The following RAD23B variants were observed in gnomAD, a reference collection of about 807,000 sequenced individuals.
RAD23B encodes RAD23 nucleotide excision repair protein B, also known as lysine-specific demethylase RAD23B.
RAD23B carries 5 observed loss-of-function variants against 49.1 expected under a neutral mutation model. That is an observed-to-expected ratio of 0.10 (90% confidence interval 0.05 to 0.21). The LOEUF (loss-of-function observed/expected upper bound fraction) is 0.21. RAD23B is among the 10% of genes least tolerant of loss of function. RAD23B has a pLI of 1.00. For missense variants in RAD23B, 356 were observed against 486.7 expected, an observed-to-expected ratio of 0.73 and a Z score of 2.53; for synonymous variants, 184 against 165.4, an observed-to-expected ratio of 1.11 and a Z score of -0.86.
chr9:107,301,749 C>T (rs1257881502), intron 2 of RAD23B, among the ~76,000 whole-genome samples: 1 of 152,006 alleles, frequency 6.6e-6, no homozygotes, highest in African/African-American at 2.4e-5. Flanking sequence ...CTATGTTGGC[C>T]ATGCTGGTTT....
At chr9:107,288,440 T>C (rs1833318974) in intron 1 of RAD23B, among the ~76,000 whole-genome samples, 1 of 151,748 alleles carries the variant, frequency 6.6e-6, no homozygotes, top group Admixed American at 6.6e-5. Context: ...GGCTACATTT[T>C]TGTTGTTGTT....
chr9:107,319,073 G>T (rs1827055269), intron 6 of RAD23B, among the ~76,000 whole-genome samples, 194 bp downstream of exon 6: 1 of 148,492 alleles, frequency 6.7e-6, no homozygotes, highest in Admixed American at 6.7e-5. Flanking sequence ...CAACATTGTA[G>T]TAGCTTTTTA....
At chr9:107,299,971 T>G (rs1047942910) in intron 1 of RAD23B, among the ~76,000 whole-genome samples, 170 bp from the exon 2 acceptor site, 3 of 152,168 alleles carry the variant, frequency 2.0e-5, no homozygotes. Flanking sequence ...ACTAGTAATA[T>G]GAGTTAATGT....
In RAD23B at chr9:107,283,315, C is replaced by G. The variant is rs1833193930; in HGVS notation, c.-315C>G. Reference sequence around the variant, plus strand: ...ATGGCGGCCACCATCCTGTGGTGAGCTAGCGGATTCCCTGCTTGTCTCGCC... The same window carrying G: ...ATGGCGGCCACCATCCTGTGGTGAGGTAGCGGATTCCCTGCTTGTCTCGCC... On this transcript the variant is annotated 5_prime_UTR_variant, in exon 1 of 10. Transcript: ENST00000358015. 7.2e-6 allele frequency: 3 copies of G among 415,640 alleles called. No homozygotes were observed. The highest frequency in any genetic ancestry group is 1.3e-5 in the Non-Finnish European group (3 of 238,096). 25.7% of individuals were successfully genotyped at this position (415,640 alleles called of 1,614,324 possible).
At chr9:107,312,833 CTGATGGTGT>C (rs146578909) in intron 5 of RAD23B, among the ~76,000 whole-genome samples, 1,742 of 152,088 alleles carry the variant, frequency 0.011, 26 homozygotes, top group African/African-American at 0.039. Context: ...GCACTTGCCC[CTGATGGTGT>C]TGAAGGCTCT....
chr9:107,328,711 C>T (rs1333635298), intron 9 of RAD23B, among the ~76,000 whole-genome samples: 2 of 152,204 alleles, frequency 1.3e-5, no homozygotes, highest in Admixed American at 6.5e-5. Context: ...TCCTGGGCAG[C>T]CCAGTTCCTA....
At chr9:107,313,039 C>G (rs549006402) in intron 5 of RAD23B, among the ~76,000 whole-genome samples, 2 of 152,196 alleles carry the variant, frequency 1.3e-5, no homozygotes, top group East Asian at 3.9e-4. Context: ...TGTTGATTCC[C>G]TGCTTTTTTA....
At chr9:107,308,137 A>G (rs2133081652) in intron 4 of RAD23B, among the ~76,000 whole-genome samples, 1 of 151,950 alleles carries the variant, frequency 6.6e-6, no homozygotes, top group South Asian at 2.1e-4. Context: ...AAAAAAGCTT[A>G]CAGTGTGAGA....
chr9:107,323,115 T>C (rs962171591), intron 7 of RAD23B, among the ~76,000 whole-genome samples: 2 of 152,250 alleles, frequency 1.3e-5, no homozygotes, highest in Admixed American at 6.5e-5. Flanking sequence ...TTCCTGTATG[T>C]ACGATTTTTG....
chr9:107,304,553 T>C (rs147975000), intron 3 of RAD23B, among the ~76,000 whole-genome samples: 28 of 152,366 alleles, frequency 1.8e-4, no homozygotes, highest in African/African-American at 6.7e-4. Flanking sequence ...ACCTATCACC[T>C]TTCACTAACC....
intron 9 of RAD23B, among the ~76,000 whole-genome samples, chr9:107,327,352 G>A (rs1173972366): frequency 6.6e-6 from 1 of 151,946 alleles, no homozygotes; most frequent in African/African-American, 2.4e-5. Flanking sequence ...TCTTTGTTTA[G>A]TTTTAGTTTA....
chr9:107,331,463 A>G lies in RAD23B; in HGVS notation c.*1807A>G, dbSNP rs971614265. The G allele has an allele frequency of 6.8e-5, 34 of 501,836 alleles. No individual in the cohort carries two copies. The East Asian group carries it at 1.0e-3, about 15-fold the overall frequency. The allele number at this position is 501,836 out of a possible 1,614,324, so 31.1% of individuals were successfully genotyped here. A position where few individuals can be genotyped will look rare whatever the true frequency, so the allele number is the denominator to read the frequency against. On this transcript the variant is annotated 3_prime_UTR_variant, in exon 10 of 10. Transcript: ENST00000358015. ...GGTTGCCGTGAGCTGAGATCACACCACTGCCATAAACATGACAGGCTTTTG... is the reference window on the plus strand; with the variant it reads ...GGTTGCCGTGAGCTGAGATCACACCGCTGCCATAAACATGACAGGCTTTTG...
In RAD23B at chr9:107,283,678, A is replaced by G. The variant is rs748424653; in HGVS notation, c.49A>G (p.Ile17Val). 1 of 1,477,850 alleles carries G rather than the reference A, an allele frequency of 6.8e-7. No individual in the cohort carries two copies. The highest frequency in any genetic ancestry group is 9.0e-7 in the Non-Finnish European group (1 of 1,111,494). 91.5% of individuals were successfully genotyped at this position (1,477,850 alleles called of 1,614,324 possible). A position where few individuals can be genotyped will look rare whatever the true frequency, so the allele number is the denominator to read the frequency against. ...TLQQQTFKID[I>V]DPEETVKALK... ...CCAGCAGCAGACCTTCAAGATAGAC[A>G]TTGACCCCGAGGAGACGGTATGCGC... Residue 17 changes from isoleucine to valine, a missense_variant, in exon 1 of 10, where the codon ATT becomes GTT. Around this residue, in one of 5 missense-constraint regions of RAD23B, gnomAD observed 31 missense variants for 23.5 expected, o/e 1.32. Coordinates refer to ENST00000358015, the MANE Select transcript of RAD23B (RefSeq NM_002874.5).
At chr9:107,310,870 G>A (rs1029658593) in intron 4 of RAD23B, among the ~76,000 whole-genome samples, 1 of 152,100 alleles carries the variant, frequency 6.6e-6, no homozygotes, top group East Asian at 1.9e-4. Context: ...ATCCAAACTT[G>A]AGTTTTCTGC....
In RAD23B at chr9:107,329,530, C is replaced by CTT. The variant is rs1564254798; in HGVS notation, c.1117-9_1117-8dup. The CTT allele has an allele frequency of 6.5e-7, 1 of 1,527,596 alleles. No individual in the cohort carries two copies. The highest frequency in any genetic ancestry group is 2.3e-5 in the East Asian group (1 of 43,780). 94.6% of individuals were successfully genotyped at this position (1,527,596 alleles called of 1,614,324 possible). ...GGTGTGTTGGATTTATATTTTTTTC[C>CTT]TTTTTCTTCCAGTTAAAGGCATTAG... On this transcript the variant is annotated splice_polypyrimidine_tract_variant and intron_variant, in intron 9 of 9. Coordinates refer to ENST00000358015, the MANE Select transcript of RAD23B (RefSeq NM_002874.5).
rs185193113 is a variant in RAD23B at position 107,304,160 on chromosome 9, T to C, written c.228+2046T>C. Among the ~76,000 whole-genome samples, 55 of 152,206 alleles carry C rather than the reference T, an allele frequency of 3.6e-4. 1 individual carries two copies. The East Asian group carries it at 0.011, about 29-fold the overall frequency. On this transcript the variant is annotated intron_variant, in intron 3 of 9. Transcript: ENST00000358015. ...AAGCTATTAAGATCAAAAGCAAGAA[T>C]AAAAACTAAAAAGCAGAGAAGGGCT...
chr9:107,315,578 G>T (rs1826976028), intron 5 of RAD23B, among the ~76,000 whole-genome samples: 1 of 151,900 alleles, frequency 6.6e-6, no homozygotes, highest in Non-Finnish European at 1.5e-5. Context: ...CAGTGGCACA[G>T]TCTCAGCTCA....
Position 107,318,271 on chromosome 9 carries a change from G to T in RAD23B, c.554-481G>T, listed in dbSNP as rs185755111. Among the ~76,000 whole-genome samples the T allele has an allele frequency of 6.6e-6, 1 of 152,296 alleles. No individual in the cohort carries two copies. Among genetic ancestry groups the T allele is most frequent in the East Asian group, 1.9e-4 (1 of 5,184 alleles). ...ATTCCTTTTTGGAGACTCCGGGGAAGAATTTTTTTCCTGATCCTGTCCTAC... is the reference window on the plus strand; with the variant it reads ...ATTCCTTTTTGGAGACTCCGGGGAATAATTTTTTTCCTGATCCTGTCCTAC... On this transcript the variant is annotated intron_variant, in intron 5 of 9. Transcript: ENST00000358015. The surrounding 1 kb of genome is among the most constrained non-coding windows in gnomAD (Gnocchi z 4.3).
At chr9:107,311,339 T>A (rs1378456420) in intron 4 of RAD23B, among the ~76,000 whole-genome samples, 1 of 152,208 alleles carries the variant, frequency 6.6e-6, no homozygotes, top group Non-Finnish European at 1.5e-5. Flanking sequence ...GATTTATAAA[T>A]TATTTAACTT....
Sources: gnomAD v4.1 joint callset for allele counts (sites outside exome capture counted in the v4.1 genomes callset) on GRCh38, gnomAD v4.1.1 for gene constraint, gnomAD v4.1.1 regional missense constraint, Gnocchi (gnomAD v3.1) non-coding constraint, MANE v1.5 for transcripts, NCBI Gene and HGNC (gene_info 2026-07-23, HGNC 2026-07-21) for gene names.